The following OGFOD1 variants were observed in gnomAD, a reference collection of about 807,000 sequenced individuals.
The protein encoded by OGFOD1 is prolyl 3-hydroxylase OGFOD1.
In OGFOD1, 54 loss-of-function variants were observed where a neutral mutation model predicts 67.7. The observed-to-expected ratio is 0.80, with a 90% CI of 0.64 to 1.00. The LOEUF (loss-of-function observed/expected upper bound fraction) is 1.00, where lower values mean the gene tolerates loss of function less well. Among genes scored for constraint, OGFOD1 ranks in the 50% least tolerant of loss-of-function variants. The pLI, the probability that OGFOD1 is intolerant of heterozygous loss-of-function variation, is 0.00. For synonymous variants in OGFOD1, 221 were observed against 227.0 expected (o/e 0.97, Z 0.24); for missense variants, 606 against 646.7 (o/e 0.94, Z 0.68).
chr16:56,462,422 T>C, intron 3 of OGFOD1, 112 bp from the exon 4 acceptor site: 3 of 655,120 alleles, frequency 4.6e-6, no homozygotes, highest in Middle Eastern at 6.6e-4. Flanking sequence ...AGAATGGATC[T>C]CTTGAATACA....
rs560721277 is a variant in OGFOD1 at position 56,475,912 on chromosome 16, G to T, written c.1468-132G>T. On this transcript the variant is annotated intron_variant, in intron 12 of 12. Coordinates refer to ENST00000566157, the MANE Select transcript of OGFOD1 (RefSeq NM_018233.4). ...ATGGCTTGACAGCCACCCCTAGTAA[G>T]TGTTCATTCAGAGGACCCCTCTATC... 8 of 765,582 alleles carry T rather than the reference G, an allele frequency of 1.0e-5. No homozygotes were observed. The African/African-American group carries it at 1.4e-4, about 13-fold the overall frequency. The allele number at this position is 765,582 out of a possible 1,614,324, so 47.4% of individuals were successfully genotyped here.
intron 2 of OGFOD1, among the ~76,000 whole-genome samples, chr16:56,457,384 G>C (rs112352888): frequency 1.6e-4 from 25 of 152,332 alleles, no homozygotes; most frequent in African/African-American, 3.4e-4. Context: ...CGAGGAGCTG[G>C]GGGGAGGAGA....
intron 2 of OGFOD1, among the ~76,000 whole-genome samples, chr16:56,456,624 C>T (rs1962531811): frequency 6.6e-6 from 1 of 152,232 alleles, no homozygotes; most frequent in Non-Finnish European, 1.5e-5. Context: ...TATTTTCTGT[C>T]AGCAACAGAT....
rs56388148 is a variant in OGFOD1, at chr16:56,463,384, G to GTTTTTTTTTTTTTTTTTT, written c.448+763_448+780dup. Among the ~76,000 whole-genome samples, 21 of 43,812 alleles carry GTTTTTTTTTTTTTTTTTT rather than the reference G, an allele frequency of 4.8e-4. 2 individuals are homozygous for GTTTTTTTTTTTTTTTTTT. The highest frequency in any genetic ancestry group is 7.8e-4 in the East Asian group (1 of 1,290). 28.7% of individuals were successfully genotyped at this position (43,812 alleles called of 152,430 possible). On this transcript the variant is annotated intron_variant, in intron 4 of 12. Coordinates refer to ENST00000566157, the MANE Select transcript of OGFOD1 (RefSeq NM_018233.4). ...TACTGCCATGTCATTTCTTTTTTGG[G>GTTTTTTTTTTTTTTTTTT]TTTTTTTTTTTTTTTTTTTTTTTTT...
At chr16:56,473,248 G>A (rs1963288635) in intron 10 of OGFOD1, among the ~76,000 whole-genome samples, 1 of 152,148 alleles carries the variant, frequency 6.6e-6, no homozygotes, top group South Asian at 2.1e-4. Context: ...AGTTTTACAT[G>A]TATCTGCTTT....
Position 56,462,648 on chromosome 16 carries a change from A to G in OGFOD1, c.448+14A>G. The G allele has an allele frequency of 6.9e-7, 1 of 1,459,388 alleles. No individual in the cohort carries two copies. Among genetic ancestry groups the G allele is most frequent in the South Asian group, 1.1e-5 (1 of 87,988 alleles). 90.4% of individuals were successfully genotyped at this position (1,459,388 alleles called of 1,614,324 possible). On this transcript the variant is annotated intron_variant, in intron 4 of 12. Coordinates refer to ENST00000566157, the MANE Select transcript of OGFOD1 (RefSeq NM_018233.4). Reference sequence around the variant, plus strand: ...ATGAATTCACTGGTAAGGAAGATAAAGGCCTGGTGTCTGTAAGATATAAAG... The same window carrying G: ...ATGAATTCACTGGTAAGGAAGATAAGGGCCTGGTGTCTGTAAGATATAAAG...
At chr16:56,456,753 C>T (rs982005322) in intron 2 of OGFOD1, among the ~76,000 whole-genome samples, 7 of 152,122 alleles carry the variant, frequency 4.6e-5, no homozygotes, top group Admixed American at 1.3e-4. Flanking sequence ...GAGTAAAATG[C>T]CAGGTTGTTC....
At chr16:56,471,800 C>T (rs564318734) in intron 10 of OGFOD1, among the ~76,000 whole-genome samples, 1 of 152,350 alleles carries the variant, frequency 6.6e-6, no homozygotes, top group Non-Finnish European at 1.5e-5. Context: ...GTGGCTTTTT[C>T]TGTGCTATCT....
chr16:56,454,159 C>A (rs1962432516), intron 2 of OGFOD1, among the ~76,000 whole-genome samples: 1 of 152,012 alleles, frequency 6.6e-6, no homozygotes. Context: ...ACCAGCCTGG[C>A]CAACATGGTG....
In OGFOD1 at chr16:56,453,281, T is replaced by G. The variant is rs1292193565; in HGVS notation, c.173T>G (p.Met58Arg). The G allele has an allele frequency of 6.2e-7, 1 of 1,613,204 alleles. No individual in the cohort carries two copies. Among genetic ancestry groups the G allele is most frequent in the Non-Finnish European group, 8.5e-7 (1 of 1,179,778 alleles). ...PFSHEVIVMDMDPFLHCVIPN... is the reference protein window; with the variant it reads ...PFSHEVIVMDRDPFLHCVIPN... ...CCAACAGAAGTCATTGTCATGGACA[T>G]GGACCCTTTTCTTCACTGTGTGATC... Residue 58 changes from methionine (M) to arginine (R), a missense_variant, in exon 2 of 13, where the codon ATG becomes AGG. Coordinates refer to ENST00000566157, the MANE Select transcript of OGFOD1 (RefSeq NM_018233.4).
At position 56,478,703 on chromosome 16, in the gene OGFOD1, C is replaced by T. The variant is rs1340139973; in HGVS notation, c.*2498C>T. The stretch of plus-strand genomic sequence containing the variant: ...CAAATCTGAATCTTAGAATACCTCA[C>T]AAGTGTTAAAATGTGCTTTTTAGTG... On this transcript the variant is annotated 3_prime_UTR_variant, in exon 13 of 13. Coordinates refer to ENST00000566157, the MANE Select transcript of OGFOD1 (RefSeq NM_018233.4). The T allele has an allele frequency of 1.3e-5, 2 of 152,194 alleles. No individual in the cohort carries two copies. Among genetic ancestry groups the T allele is most frequent in the African/African-American group, 4.8e-5 (2 of 41,444 alleles). The allele number at this position is 152,194 out of a possible 1,614,324, so 9.4% of individuals were successfully genotyped here. A position where few individuals can be genotyped will look rare whatever the true frequency, so the allele number is the denominator to read the frequency against.
chr16:56,475,221 T>C (rs993767116), intron 11 of OGFOD1, among the ~76,000 whole-genome samples: 1 of 152,198 alleles, frequency 6.6e-6, no homozygotes, highest in Non-Finnish European at 1.5e-5. Context: ...TTTATGTAAT[T>C]GCCCTTCTGG....
In OGFOD1 at chr16:56,452,552, G is replaced by A. The variant is rs555615048; in HGVS notation, c.155-711G>A. Among the ~76,000 whole-genome samples the A allele has an allele frequency of 1.7e-4, 26 of 152,342 alleles. No individual in the cohort carries two copies. The South Asian group carries it at 5.0e-3, about 29-fold the overall frequency. ...CCGTTGTCAAGTGCTTTGAAGAGGT[G>A]AGTCCTGGGTAGGCTGGATGCCTAT... On this transcript the variant is annotated intron_variant, in intron 1 of 12. Transcript: ENST00000566157.
intron 2 of OGFOD1, among the ~76,000 whole-genome samples, chr16:56,456,929 A>G (rs778890856): frequency 1.3e-5 from 2 of 152,206 alleles, no homozygotes; most frequent in Non-Finnish European, 2.9e-5. Context: ...AGAGAAGCCC[A>G]CTTCTTACTA....
At chr16:56,457,059 T>C (rs191535368) in intron 2 of OGFOD1, among the ~76,000 whole-genome samples, 30 of 152,348 alleles carry the variant, frequency 2.0e-4, no homozygotes, top group East Asian at 1.7e-3. Flanking sequence ...ACTGAAGTCA[T>C]TGTATTCTTT....
intron 10 of OGFOD1, among the ~76,000 whole-genome samples, chr16:56,474,235 T>C (rs1470491332): frequency 6.6e-6 from 1 of 152,110 alleles, no homozygotes. Flanking sequence ...AAAATAATAT[T>C]CATGTCGTAT....
At chr16:56,470,919 A>G (rs1963141083) in intron 10 of OGFOD1, 128 bp downstream of exon 10, 1 of 890,820 alleles carries the variant, frequency 1.1e-6, no homozygotes, top group Non-Finnish European at 1.7e-6. Flanking sequence ...TGAAGGACAA[A>G]ACAGACAAGG....
Position 56,451,766 on chromosome 16 carries a change from G to T in OGFOD1, c.154G>T (p.Glu52Ter), listed in dbSNP as rs1427900334. ...AWSRRTPFSHEVIVMDMDPFL... is the reference protein window; with the variant it reads ...AWSRRTPFSH ...GAGCCGCAGGACGCCGTTCAGTCAC[G>T]GTAACCGGGTGCTCTCAGGGAGGGG... The change falls in exon 1 of 13, where the codon GAA (glutamate) becomes TAA (stop). Residue 52 changes from glutamate to a stop codon, truncating the protein, a stop_gained and splice_region_variant. Transcript: ENST00000566157. LOFTEE classifies it high-confidence loss of function. The T allele has an allele frequency of 3.1e-6, 5 of 1,612,194 alleles. No individual in the cohort carries two copies. The highest frequency in any genetic ancestry group is 1.3e-5 in the African/African-American group (1 of 74,980).
chr16:56,470,176 T>C, intron 9 of OGFOD1, 94 bp downstream of exon 9: 1 of 1,086,878 alleles, frequency 9.2e-7, no homozygotes, highest in South Asian at 1.4e-5. Flanking sequence ...AAAGGAAAAA[T>C]AGACTGAGGT....
Sources: allele counts gnomAD v4.1 joint callset (sites outside exome capture counted in the v4.1 genomes callset), GRCh38; gene constraint gnomAD v4.1.1; transcripts MANE v1.5; gene names NCBI Gene and HGNC (gene_info 2026-07-23, HGNC 2026-07-21).